The following CNTN6 variants were observed in gnomAD, a reference collection of about 807,000 sequenced individuals.
CNTN6 encodes contactin 6, also known as contactin-6.
In CNTN6, 137 loss-of-function variants were observed where a neutral mutation model predicts 122.8. That is an observed-to-expected ratio of 1.12 (90% confidence interval 0.97 to 1.29). CNTN6 has a LOEUF of 1.29. Ranked by LOEUF, CNTN6 falls within the 50% of genes most tolerant of loss-of-function variation. CNTN6 has a pLI of 0.00. For missense variants in CNTN6, 1,634 were observed against 1,223.4 expected (o/e 1.34, Z -5.01); for synonymous variants, 570 against 426.0 (o/e 1.34, Z -4.16).
rs1316975752 is a variant in CNTN6 at position 1,373,627 on chromosome 3, G to A, written c.1810G>A (p.Val604Met). Residue 604 changes from valine to methionine, a missense_variant, in exon 15 of 23, where the codon GTG (valine) becomes ATG (methionine). Coordinates refer to ENST00000446702, the MANE Select transcript of CNTN6 (RefSeq NM_001289080.2). The part of the protein sequence containing the change: ...VRGPPGPPED[V>M]QVEDISSTTS... ...AGGTCCACCAGGTCCTCCTGAGGAT[G>A]TGCAAGTGGAAGACATTTCCAGTAC... The A allele has an allele frequency of 1.9e-6, 3 of 1,612,342 alleles. No individual in the cohort carries two copies. The highest frequency in any genetic ancestry group is 2.5e-6 in the Non-Finnish European group (3 of 1,179,080).
intron 8 of CNTN6, among the ~76,000 whole-genome samples, chr3:1,322,279 ATAAG>A (rs1384155674): frequency 2.6e-5 from 4 of 151,628 alleles, no homozygotes; most frequent in African/African-American, 9.7e-5. Flanking sequence ...TTGTCTACTC[ATAAG>A]TAGGTAATAT....
intron 12 of CNTN6, among the ~76,000 whole-genome samples, chr3:1,370,509 C>T (rs1238617724): frequency 6.6e-6 from 1 of 151,948 alleles, no homozygotes; most frequent in East Asian, 1.9e-4. Context: ...GGGCATAGTC[C>T]ACAAAATCAT....
chr3:1,098,093 G>T (rs918959722), intron 1 of CNTN6, among the ~76,000 whole-genome samples: 13 of 137,334 alleles, frequency 9.5e-5, no homozygotes, highest in Non-Finnish European at 1.8e-4. Flanking sequence ...GGGTATATTT[G>T]CGGGGGGGGG....
chr3:1,262,789 T>G (rs1312242299), intron 4 of CNTN6, among the ~76,000 whole-genome samples: 1 of 152,082 alleles, frequency 6.6e-6, no homozygotes, highest in African/African-American at 2.4e-5. Flanking sequence ...ATTTCATGTG[T>G]AAAATATATG....
At chr3:1,351,913 G>T (rs559876754) in intron 11 of CNTN6, among the ~76,000 whole-genome samples, 1 of 151,910 alleles carries the variant, frequency 6.6e-6, no homozygotes, top group East Asian at 1.9e-4. Context: ...AAAAGACACA[G>T]ACTAATTGTG....
At chr3:1,120,614 G>A (rs1209467130) in intron 1 of CNTN6, among the ~76,000 whole-genome samples, 1 of 151,838 alleles carries the variant, frequency 6.6e-6, no homozygotes, top group Non-Finnish European at 1.5e-5. Context: ...AGCCTCTGAA[G>A]AGCAGGTAGT....
intron 11 of CNTN6, among the ~76,000 whole-genome samples, chr3:1,349,241 T>C (rs1460819968): frequency 6.6e-6 from 1 of 151,846 alleles, no homozygotes; most frequent in Non-Finnish European, 1.5e-5. Flanking sequence ...TATAATAATA[T>C]ACATATAATA....
chr3:1,347,042 A>C (rs11916814), intron 11 of CNTN6, among the ~76,000 whole-genome samples: 22,516 of 152,164 alleles, frequency 0.15, 1,772 homozygotes, highest in South Asian at 0.16. Flanking sequence ...TATCAGTTAA[A>C]CTTGAAATAT....
At chr3:1,326,614 A>G (rs1701578661) in intron 9 of CNTN6, among the ~76,000 whole-genome samples, 1 of 151,882 alleles carries the variant, frequency 6.6e-6, no homozygotes, top group Non-Finnish European at 1.5e-5. Context: ...TACCTAGAAA[A>G]TGAAAGATTT....
At chr3:1,365,677 C>T (rs1708115420) in intron 12 of CNTN6, among the ~76,000 whole-genome samples, 1 of 151,974 alleles carries the variant, frequency 6.6e-6, no homozygotes, top group African/African-American at 2.4e-5. Context: ...AATAAATAAA[C>T]TTACTTTTAA....
intron 7 of CNTN6, among the ~76,000 whole-genome samples, chr3:1,301,984 T>C (rs1415557260): frequency 6.6e-6 from 1 of 152,170 alleles, no homozygotes; most frequent in African/African-American, 2.4e-5. Context: ...TAAATTAAGG[T>C]ATTTAGCAAA....
At position 1,325,933 on chromosome 3, in the gene CNTN6, T is replaced by G; in HGVS notation, c.1065T>G (p.Gly355=). ...CTTGGTATACATGGTTAAAAAATGGTGAACGACTCAACCCAGAGGTAAGCA... is the reference window on the plus strand; with the variant it reads ...CTTGGTATACATGGTTAAAAAATGGGGAACGACTCAACCCAGAGGTAAGCA... ...PNPWYTWLKN[G]ERLNPEERIQ... is the part of the protein sequence containing the mutation. The change falls in exon 9 of 23, where the codon GGT becomes GGG. Residue 355 remains glycine (G), a synonymous_variant. Coordinates refer to ENST00000446702, the MANE Select transcript of CNTN6 (RefSeq NM_001289080.2). 2 of 1,611,222 alleles carry G rather than the reference T, an allele frequency of 1.2e-6. No individual in the cohort carries two copies. Among genetic ancestry groups the G allele is most frequent in the Non-Finnish European group, 1.7e-6 (2 of 1,178,378 alleles).
chr3:1,228,885 A>G (rs933580095), intron 4 of CNTN6, among the ~76,000 whole-genome samples: 2 of 152,140 alleles, frequency 1.3e-5, no homozygotes, highest in African/African-American at 4.8e-5. Context: ...TACATGAATT[A>G]ATAACTGGGT....
rs1215794870 is a variant in CNTN6, at chr3:1,221,512, T to G, written c.182+699T>G. ...TAGAAAAATATGTTGAAGACAGCTA[T>G]GTACCCTCTAAGGCAGAAAGGGAAT... On this transcript the variant is annotated intron_variant, in intron 3 of 22. Transcript: ENST00000446702. Among the ~76,000 whole-genome samples the G allele has an allele frequency of 2.0e-5, 3 of 152,246 alleles. No homozygotes were observed. In the South Asian group the frequency reaches 6.2e-4, roughly 32 times the overall value.
chr3:1,352,417 C>T lies in CNTN6; in HGVS notation c.1458C>T (p.Gly486=), dbSNP rs771381392. The change falls in exon 12 of 23, where the codon GGC becomes GGT. Residue 486 remains glycine (G), a synonymous_variant. Transcript: ENST00000446702. ...CATGCATAGCCACAAATCAGTTTGGCACTGCAAAGAACACTGGCAGCCTCA... is the reference window on the plus strand; with the variant it reads ...CATGCATAGCCACAAATCAGTTTGGTACTGCAAAGAACACTGGCAGCCTCA... ...SYTCIATNQF[G]TAKNTGSLIV... is the part of the protein sequence containing the mutation. 3 of 1,609,414 alleles carry T rather than the reference C, an allele frequency of 1.9e-6. No homozygotes were observed. Among genetic ancestry groups the T allele is most frequent in the East Asian group, 4.5e-5 (2 of 44,656 alleles).
chr3:1,183,794 C>G (rs1334102518), intron 2 of CNTN6, among the ~76,000 whole-genome samples: 2 of 152,088 alleles, frequency 1.3e-5, no homozygotes, highest in Non-Finnish European at 2.9e-5. Context: ...AGTCAGTAGT[C>G]TGGGCACAGC....
At chr3:1,342,216 G>A (rs1339008774) in intron 11 of CNTN6, among the ~76,000 whole-genome samples, 2 of 151,962 alleles carry the variant, frequency 1.3e-5, no homozygotes, top group East Asian at 1.9e-4. Flanking sequence ...TGCAACCTCC[G>A]CCTTCCGGGT....
chr3:1,383,544 G>A, intron 19 of CNTN6, 136 bp downstream of exon 19: 1 of 667,396 alleles, frequency 1.5e-6, no homozygotes, highest in Non-Finnish European at 2.6e-6. Flanking sequence ...AGAGAATGAA[G>A]TTGAGACAGG....
rs920387915 is a variant in CNTN6 at position 1,215,884 on chromosome 3, G to A, written c.56-4803G>A. On this transcript the variant is annotated intron_variant, in intron 2 of 22. Transcript: ENST00000446702. ...CCAGTTTGGAGACAGGATTTATGGCGAGTACCCACATTTTGTAGCCTGAGA... is the reference window on the plus strand; with the variant it reads ...CCAGTTTGGAGACAGGATTTATGGCAAGTACCCACATTTTGTAGCCTGAGA... Among the ~76,000 whole-genome samples, 7 of 151,954 alleles carry A rather than the reference G, an allele frequency of 4.6e-5. No homozygotes were observed. In the East Asian group the frequency reaches 9.6e-4, roughly 21 times the overall value.
Sources: allele counts gnomAD v4.1 joint callset (sites outside exome capture counted in the v4.1 genomes callset), GRCh38; gene constraint gnomAD v4.1.1; transcripts MANE v1.5; gene names NCBI Gene and HGNC (gene_info 2026-07-23, HGNC 2026-07-21).